The following COL4A5 variants were observed in gnomAD, a reference collection of about 807,000 sequenced individuals.
The protein encoded by COL4A5 is collagen alpha-5(IV) chain.
A neutral mutation model predicts 130.2 loss-of-function variants in COL4A5; 26 were observed. The ratio of observed to expected loss-of-function variants is 0.20; its 90% CI spans 0.15 to 0.28. COL4A5 has a LOEUF of 0.28. Ranked by LOEUF, COL4A5 falls within the 10% of genes least tolerant of loss-of-function variation. The pLI, the probability that COL4A5 is intolerant of heterozygous loss-of-function variation, is 1.00. For synonymous variants in COL4A5, 496 were observed against 439.6 expected, an observed-to-expected ratio of 1.13 and a Z score of -1.60; for missense variants, 1,131 against 1,344.3, an observed-to-expected ratio of 0.84 and a Z score of 2.48.
At chrX:108,545,646 C>A (rs1210582615) in intron 2 of COL4A5, among the ~76,000 whole-genome samples, 1 of 111,212 alleles carries the variant, frequency 9.0e-6, no homozygotes, top group African/African-American at 3.3e-5. Flanking sequence ...GAGCTGAGTT[C>A]AATTCCTGGA....
intron 1 of COL4A5, among the ~76,000 whole-genome samples, chrX:108,503,524 CA>C (rs1476601252): frequency 1.8e-5 from 2 of 111,674 alleles, no homozygotes; most frequent in Admixed American, 9.5e-5. Flanking sequence ...AAGGCTCCTC[CA>C]AAAGCCTTCT....
intron 1 of COL4A5, among the ~76,000 whole-genome samples, chrX:108,517,061 G>T (rs955911729): frequency 9.0e-6 from 1 of 111,702 alleles, no homozygotes; most frequent in Non-Finnish European, 1.9e-5. Context: ...ATATACAAAT[G>T]TTCATCATCA....
rs758368199 is a variant in COL4A5 at position 108,563,977 on chromosome X, A to G, written c.276+51A>G. ...ATACTTTGTTGGTGGAAACAGATAG[A>G]GAACAAATGAAGTATTATGAGACAA... On this transcript the variant is annotated intron_variant, in intron 4 of 52. Coordinates refer to ENST00000328300, the MANE Select transcript of COL4A5 (RefSeq NM_033380.3). 3 of 1,021,054 alleles carry G rather than the reference A, an allele frequency of 2.9e-6. No individual in the cohort carries two copies. In the Admixed American group the frequency reaches 6.7e-5, roughly 23 times the overall value. The allele number at this position is 1,021,054 out of a possible 1,213,427, so 84.1% of individuals were successfully genotyped here.
chrX:108,571,688 T>G lies in COL4A5; in HGVS notation c.439-123T>G. The G allele has an allele frequency of 5.1e-6, 3 of 591,046 alleles. No homozygotes were observed. The East Asian group carries it at 9.9e-5, about 20-fold the overall frequency. 48.7% of individuals were successfully genotyped at this position (591,046 alleles called of 1,213,427 possible). ...TGTCACCTCTAAGTATCCTAAGGTA[T>G]ATCCTATTCAGAAATGACGCTACAG... On this transcript the variant is annotated intron_variant, in intron 7 of 52. Transcript: ENST00000328300.
At chrX:108,450,831 T>C (rs982606185) in intron 1 of COL4A5, among the ~76,000 whole-genome samples, 1 of 110,675 alleles carries the variant, frequency 9.0e-6, no homozygotes, top group African/African-American at 3.3e-5. Flanking sequence ...GCTAGTTTTT[T>C]TATTTTTATT....
At chrX:108,586,536 G>A in intron 18 of COL4A5, 79 bp from the exon 19 acceptor site, 1 of 935,327 alleles carries the variant, frequency 1.1e-6, no homozygotes, top group Non-Finnish European at 1.5e-6. Context: ...GTAATCATAT[G>A]TAGCTCCCAT....
rs2068726372 is a variant in COL4A5, at chrX:108,696,009, A to G, written c.4995-288A>G. ...TGCCCAGATTTCCCTCATCCTGTGA[A>G]TATTAGAAAAATGTATGAGAGAAAG... On this transcript the variant is annotated intron_variant, in intron 52 of 52. Transcript: ENST00000328300. 3 of 288,489 alleles carry G rather than the reference A, an allele frequency of 1.0e-5. No homozygotes were observed. The Admixed American group carries it at 1.6e-4, about 15-fold the overall frequency. The allele number at this position is 288,489 out of a possible 1,213,427, so 23.8% of individuals were successfully genotyped here. A position where few individuals can be genotyped will look rare whatever the true frequency, so the allele number is the denominator to read the frequency against.
rs191140046 is a variant in COL4A5, at chrX:108,696,235, C to T, written c.4995-62C>T. ...AAAAATGTTTAGTTATAAATTTGAA[C>T]CAGTAACAGAATTGAAATACCAGAA... On this transcript the variant is annotated intron_variant, in intron 52 of 52. Coordinates refer to ENST00000328300, the MANE Select transcript of COL4A5 (RefSeq NM_033380.3). 270 of 926,634 alleles carry T rather than the reference C, an allele frequency of 2.9e-4. No homozygotes were observed. The African/African-American group carries it at 4.0e-3, about 14-fold the overall frequency. The allele number at this position is 926,634 out of a possible 1,213,427, so 76.4% of individuals were successfully genotyped here.
chrX:108,451,710 A>T (rs1377723503), intron 1 of COL4A5, among the ~76,000 whole-genome samples: 2 of 107,765 alleles, frequency 1.9e-5, no homozygotes, highest in Non-Finnish European at 3.8e-5. Flanking sequence ...TTTTCTTGTA[A>T]ATTTGTTTGA....
At chrX:108,617,085 A>G (rs956527185) in intron 30 of COL4A5, among the ~76,000 whole-genome samples, 2 of 110,860 alleles carry the variant, frequency 1.8e-5, no homozygotes, top group African/African-American at 6.5e-5. Context: ...AATGTTCTCA[A>G]ATCACAGTAC....
intron 36 of COL4A5, among the ~76,000 whole-genome samples, chrX:108,647,394 G>T (rs2067620287): frequency 9.0e-6 from 1 of 111,279 alleles, no homozygotes; most frequent in African/African-American, 3.3e-5. Flanking sequence ...TCTGTTATTG[G>T]TGTATAAGAA....
At chrX:108,520,836 C>G (rs1408101168) in intron 1 of COL4A5, among the ~76,000 whole-genome samples, 4 of 111,601 alleles carry the variant, frequency 3.6e-5, no homozygotes, top group African/African-American at 1.3e-4. Context: ...ACTTACCTAA[C>G]TTTTTAGTAA....
chrX:108,590,473 T>A (rs918431622), intron 19 of COL4A5, among the ~76,000 whole-genome samples: 5 of 111,629 alleles, frequency 4.5e-5, no homozygotes, highest in African/African-American at 1.6e-4. Context: ...ACCAATATAA[T>A]AAACAGTTGA....
chrX:108,452,110 G>T (rs775288097), intron 1 of COL4A5, among the ~76,000 whole-genome samples: 4 of 111,715 alleles, frequency 3.6e-5, no homozygotes, highest in African/African-American at 9.8e-5. Context: ...GTTTTTCTCA[G>T]GTTTGTGAAA....
intron 38 of COL4A5, 127 bp from the exon 39 acceptor site, chrX:108,666,369 A>G: frequency 1.9e-6 from 1 of 513,520 alleles, no homozygotes; most frequent in Non-Finnish European, 3.5e-6. Flanking sequence ...TTTTTATAAC[A>G]TTTTGTGATC....
intron 1 of COL4A5, among the ~76,000 whole-genome samples, chrX:108,518,656 A>C (rs1168345085): frequency 9.0e-6 from 1 of 111,453 alleles, no homozygotes; most frequent in Non-Finnish European, 1.9e-5. Context: ...TTTATTGTTT[A>C]TCTTAAAAAA....
At chrX:108,690,795 A>G (rs2068629133) in intron 49 of COL4A5, among the ~76,000 whole-genome samples, 1 of 111,709 alleles carries the variant, frequency 9.0e-6, no homozygotes, top group African/African-American at 3.3e-5. Flanking sequence ...TTACCGTTAG[A>G]TCCAGCAATC....
intron 1 of COL4A5, among the ~76,000 whole-genome samples, chrX:108,496,796 A>G (rs1280924099): frequency 8.9e-6 from 1 of 111,742 alleles, no homozygotes; most frequent in African/African-American, 3.2e-5. Context: ...CTCTTGGATT[A>G]TATTTCTTAT....
chrX:108,618,863 G>C (rs1164906538), intron 30 of COL4A5, among the ~76,000 whole-genome samples: 1 of 109,700 alleles, frequency 9.1e-6, no homozygotes, highest in Non-Finnish European at 1.9e-5. Flanking sequence ...TTAAAGTAAA[G>C]CTTTAAACAT....
Sources: allele counts gnomAD v4.1 joint callset (sites outside exome capture counted in the v4.1 genomes callset), GRCh38; gene constraint gnomAD v4.1.1; transcripts MANE v1.5; gene names NCBI Gene and HGNC (gene_info 2026-07-23, HGNC 2026-07-21).